LNPK: variants seen among roughly 807,000 people sequenced by gnomAD.
LNPK encodes the protein endoplasmic reticulum junction formation protein lunapark.
A neutral mutation model predicts 55.2 loss-of-function variants in LNPK; 29 were observed. That is an observed-to-expected ratio of 0.53 (90% CI 0.39 to 0.72). The LOEUF is 0.72. LNPK is among the 30% of genes least tolerant of loss of function. The pLI is 0.00. For synonymous variants in LNPK, 162 were observed against 168.2 expected (o/e 0.96, Z 0.29); for missense variants, 467 against 494.8 (o/e 0.94, Z 0.53).
At chr2:175,932,658 TCAAA>T (rs1684334708) in intron 12 of LNPK, among the ~76,000 whole-genome samples, 1 of 152,148 alleles carries the variant, frequency 6.6e-6, no homozygotes, top group Non-Finnish European at 1.5e-5. Flanking sequence ...TAAGAAGTCA[TCAAA>T]CAAGATCTAA....
rs376207533 is a variant in LNPK, at chr2:175,977,529, T to C, written c.316+2281A>G. 3.4e-3 allele frequency among the ~76,000 whole-genome samples: 521 copies of C among 152,134 alleles called. 15 individuals carry two copies. In the South Asian group the frequency reaches 0.072, roughly 21 times the overall value. On this transcript the variant is annotated intron_variant, in intron 5 of 12. Transcript: ENST00000272748. ...CTAAAAAGAAATCACCAGTGAAGTG[T>C]TGTCAAAGAAGCTTAAAAAGTTTTC...
chr2:175,960,425 A>G (rs1176675259), intron 8 of LNPK, among the ~76,000 whole-genome samples: 1 of 152,198 alleles, frequency 6.6e-6, no homozygotes, highest in Non-Finnish European at 1.5e-5. Context: ...CCACACAACT[A>G]CATGGAAACT....
chr2:175,976,198 T>C (rs1686905107), intron 5 of LNPK, among the ~76,000 whole-genome samples: 1 of 152,092 alleles, frequency 6.6e-6, no homozygotes, highest in African/African-American at 2.4e-5. Context: ...TGGGAAGCTA[T>C]TAGACAATTT....
At chr2:175,998,657 C>T (rs1688050671) in intron 1 of LNPK, among the ~76,000 whole-genome samples, 1 of 152,030 alleles carries the variant, frequency 6.6e-6, no homozygotes, top group Admixed American at 6.5e-5. Flanking sequence ...AACAAATCTA[C>T]TGAAATGAAA....
chr2:176,002,201 G>T lies in LNPK; in HGVS notation c.-104C>A, dbSNP rs1406148513. On this transcript the variant is annotated 5_prime_UTR_variant, in exon 1 of 13. Coordinates refer to ENST00000272748, the MANE Select transcript of LNPK (RefSeq NM_030650.3). ...CAGCCCGGCCCGGGCGTCCACCCCC[G>T]CCAGTCTCGGCCGCCACCGCCCAGC... The T allele has an allele frequency of 2.2e-6, 1 of 449,540 alleles. No homozygotes were observed. The highest frequency in any genetic ancestry group is 2.4e-5 in the Admixed American group (1 of 42,138). 27.8% of individuals were successfully genotyped at this position (449,540 alleles called of 1,614,324 possible).
intron 1 of LNPK, among the ~76,000 whole-genome samples, chr2:176,001,620 A>C (rs553486230): frequency 6.6e-6 from 1 of 152,130 alleles, no homozygotes; most frequent in African/African-American, 2.4e-5. Context: ...CACGTACTCC[A>C]CGCCCACACG....
At chr2:175,984,362 A>G (rs950837532) in intron 4 of LNPK, among the ~76,000 whole-genome samples, 1 of 151,984 alleles carries the variant, frequency 6.6e-6, no homozygotes, top group Non-Finnish European at 1.5e-5. Context: ...TATTTTTCAG[A>G]GACGAGGTTT....
At chr2:175,974,723 C>G (rs904839531) in intron 5 of LNPK, among the ~76,000 whole-genome samples, 1 of 151,756 alleles carries the variant, frequency 6.6e-6, no homozygotes, top group East Asian at 1.9e-4. Context: ...TAAAAATAAT[C>G]GAGAATAAAA....
chr2:175,970,692 C>T (rs1005414386), intron 6 of LNPK, 72 bp downstream of exon 6: 6 of 834,412 alleles, frequency 7.2e-6, no homozygotes, highest in Non-Finnish European at 8.3e-6. Context: ...TATTAACTTC[C>T]AACACATAAA....
rs568187164 is a variant in LNPK at position 175,995,536 on chromosome 2, G to C, written c.27+22C>G. The stretch of plus-strand genomic sequence containing the variant: ...ACTTTTATATTAGACTCAAGAACTA[G>C]CTGTAAAGAAAAGTACCTTACCCTC... On this transcript the variant is annotated intron_variant, in intron 2 of 12. Coordinates refer to ENST00000272748, the MANE Select transcript of LNPK (RefSeq NM_030650.3). 7.0e-5 allele frequency: 111 copies of C among 1,587,084 alleles called. 1 individual carries two copies. The South Asian group carries it at 1.1e-3, about 16-fold the overall frequency.
At chr2:175,997,705 C>CTGTGTGTGTGTGTGTGTG (rs35147185) in intron 1 of LNPK, among the ~76,000 whole-genome samples, 1,470 of 144,104 alleles carry the variant, frequency 0.01, 12 homozygotes, top group East Asian at 0.02. Context: ...AACAAATGCT[C>CTGTGTGTGTGTGTGTGTG]TGTGTGTGTG....
Position 176,002,197 on chromosome 2 carries a change from C to A in LNPK, c.-100G>T. The A allele has an allele frequency of 2.2e-6, 1 of 449,878 alleles. No homozygotes were observed. The highest frequency in any genetic ancestry group is 2.0e-5 in the African/African-American group (1 of 49,392). 27.9% of individuals were successfully genotyped at this position (449,878 alleles called of 1,614,324 possible). A position where few individuals can be genotyped will look rare whatever the true frequency, so the allele number is the denominator to read the frequency against. ...GGCGCAGCCCGGCCCGGGCGTCCAC[C>A]CCCGCCAGTCTCGGCCGCCACCGCC... On this transcript the variant is annotated 5_prime_UTR_variant, in exon 1 of 13. Coordinates refer to ENST00000272748, the MANE Select transcript of LNPK (RefSeq NM_030650.3).
intron 5 of LNPK, among the ~76,000 whole-genome samples, chr2:175,975,628 TA>T (rs1456702280): frequency 1.3e-4 from 20 of 152,338 alleles, no homozygotes; most frequent in South Asian, 1.0e-3. Flanking sequence ...TTTTAAAATG[TA>T]CAGTTATTAT....
In LNPK at chr2:175,988,559, G is replaced by C. The variant is rs931550170; in HGVS notation, c.257+3672C>G. Among the ~76,000 whole-genome samples, 7 of 150,346 alleles carry C rather than the reference G, an allele frequency of 4.7e-5. 1 individual carries two copies. In the South Asian group the frequency reaches 1.1e-3, roughly 23 times the overall value. On this transcript the variant is annotated intron_variant, in intron 4 of 12. Coordinates refer to ENST00000272748, the MANE Select transcript of LNPK (RefSeq NM_030650.3). ...AAGCTAAAGATGAATTTATATACAG[G>C]TCTTAATATTTATAACTATGTTGAC...
chr2:175,986,575 T>C (rs1687424955), intron 4 of LNPK, among the ~76,000 whole-genome samples: 1 of 152,136 alleles, frequency 6.6e-6, no homozygotes, highest in Non-Finnish European at 1.5e-5. Context: ...GAAAAGTTTT[T>C]GGATGTTTTT....
chr2:176,002,085 AT>A (rs1688187284), intron 1 of LNPK, 74 bp downstream of exon 1: 1 of 330,150 alleles, frequency 3.0e-6, no homozygotes, highest in Non-Finnish European at 5.9e-6. Flanking sequence ...CCCGCAGCTT[AT>A]TTCCCAGGGG....
intron 8 of LNPK, among the ~76,000 whole-genome samples, chr2:175,962,383 C>A (rs1426736081): frequency 2.0e-5 from 3 of 152,030 alleles, no homozygotes; most frequent in African/African-American, 7.2e-5. Flanking sequence ...AGAACAGAGG[C>A]CTCAGAAATA....
At chr2:175,962,821 T>C (rs1296974844) in intron 8 of LNPK, among the ~76,000 whole-genome samples, 1 of 151,892 alleles carries the variant, frequency 6.6e-6, no homozygotes, top group African/African-American at 2.4e-5. Context: ...AAAGGGCTAA[T>C]ATCCAGAATC....
At chr2:175,959,398 G>A (rs1052019490) in intron 8 of LNPK, among the ~76,000 whole-genome samples, 4 of 152,136 alleles carry the variant, frequency 2.6e-5, no homozygotes, top group Non-Finnish European at 5.9e-5. Context: ...AGAAGAGAGC[G>A]GGGGTCAATA....
Sources: allele counts gnomAD v4.1 joint callset (sites outside exome capture counted in the v4.1 genomes callset), GRCh38; gene constraint gnomAD v4.1.1; transcripts MANE v1.5; gene names NCBI Gene and HGNC (gene_info 2026-07-23, HGNC 2026-07-21).